KMT2C: variants seen among roughly 807,000 people sequenced by gnomAD.
The protein encoded by KMT2C is histone-lysine N-methyltransferase 2C.
A neutral mutation model predicts 507.9 loss-of-function variants in KMT2C; 88 were observed. That is an observed-to-expected ratio of 0.17 (90% confidence interval 0.15 to 0.21). The LOEUF is 0.21. Ranked by LOEUF, KMT2C falls within the 10% of genes least tolerant of loss-of-function variation. The pLI is 1.00. For missense variants in KMT2C, 4,954 were observed against 5,957.8 expected (o/e 0.83, Z 5.55); for synonymous variants, 2,049 against 2,080.8 (o/e 0.98, Z 0.42).
chr7:152,258,012 G>A (rs1031012501), intron 9 of KMT2C, among the ~76,000 whole-genome samples: 8 of 152,154 alleles, frequency 5.3e-5, no homozygotes, highest in Non-Finnish European at 1.0e-4. Context: ...GTATACACAC[G>A]CATGTATTTC....
At chr7:152,384,032 A>G (rs2097398249) in intron 1 of KMT2C, among the ~76,000 whole-genome samples, 2 of 148,038 alleles carry the variant, frequency 1.4e-5, no homozygotes, top group South Asian at 4.3e-4. Context: ...TCCGAGAGGC[A>G]GACATGTGTG....
intron 6 of KMT2C, among the ~76,000 whole-genome samples, chr7:152,309,580 C>T (rs182331205): frequency 0.011 from 1,554 of 139,994 alleles, 14 homozygotes; most frequent in Non-Finnish European, 0.017. Flanking sequence ...AGTGCAATGG[C>T]GCAATCTTGG....
At chr7:152,248,716 A>C in intron 13 of KMT2C, 96 bp from the exon 14 acceptor site, 1 of 673,274 alleles carries the variant, frequency 1.5e-6, no homozygotes, top group Non-Finnish European at 2.5e-6. Context: ...CTAGAACTTA[A>C]ATCAGAAGGT....
In KMT2C at chr7:152,222,793, C is replaced by G. The variant is rs1309290731; in HGVS notation, c.3324-111G>C. 7 of 656,516 alleles carry G rather than the reference C, an allele frequency of 1.1e-5. No individual in the cohort carries two copies. In the East Asian group the frequency reaches 1.9e-4, roughly 18 times the overall value. The allele number at this position is 656,516 out of a possible 1,614,324, so 40.7% of individuals were successfully genotyped here. A position where few individuals can be genotyped will look rare whatever the true frequency, so the allele number is the denominator to read the frequency against. On this transcript the variant is annotated intron_variant, in intron 20 of 58. Transcript: ENST00000262189. ...TCAAACTTAAAAGCCCTAAGCCTCA[C>G]ATGCTCCTCCTACCTTGCCCTTTTC... is the stretch of plus-strand genomic sequence containing the variant.
Position 152,146,646 on chromosome 7 carries a change from C to A in KMT2C, c.13984G>T (p.Asp4662Tyr), listed in dbSNP as rs752970801. The A allele has an allele frequency of 3.7e-6, 6 of 1,614,068 alleles. No individual in the cohort carries two copies. In the African/African-American group the frequency reaches 8.0e-5, roughly 22 times the overall value. ...GCAGAGACGGTCAGGCCAAACAGAT[C>A]CTCTCCTTTTAAATACGCTGGGAAA... ...QLFPAYLKGE[D>Y]LFGLTVSAVA... is the part of the protein sequence containing the mutation. Residue 4662 changes from aspartate (D) to tyrosine (Y), a missense_variant, in exon 53 of 59, where the codon GAT becomes TAT. Asp to Tyr is a radical substitution (Grantham distance 160). This residue lies in a region of KMT2C where 221 missense variants were observed against 304.7 expected (regional missense o/e 0.73). Transcript: ENST00000262189.
At chr7:152,409,776 T>G (rs577736817) in intron 1 of KMT2C, among the ~76,000 whole-genome samples, 8 of 152,384 alleles carry the variant, frequency 5.2e-5, no homozygotes, top group Non-Finnish European at 7.3e-5. Context: ...AAATGCTGGT[T>G]AAGTGACCAG....
Position 152,230,229 on chromosome 7 carries a change from A to G in KMT2C, c.2862T>C (p.Thr954=), listed in dbSNP as rs144817426. The G allele has an allele frequency of 6.3e-7, 1 of 1,581,918 alleles. No homozygotes were observed. The change falls in exon 17 of 59, where the codon ACT becomes ACC. Residue 954 remains threonine, a synonymous_variant. Transcript: ENST00000262189. ...ATTGTCAAGTTCAAACCTGATTCAA[A>G]GTGAACTTGTCACTGCTAGAAAACA... ...VVLFSSSDKF[T]LNQDMCVVCG...
Position 152,139,698 on chromosome 7 carries a change from T to C in KMT2C, c.14437A>G (p.Lys4813Glu), listed in dbSNP as rs2129089835. ...TIIRNEVANRKEKLYESQNRG... is the reference protein window; with the variant it reads ...TIIRNEVANREEKLYESQNRG... ...ACCTGAGACTCATAAAGCTTCTCTT[T>C]CCTGTTGGCTACTTCGTTTCGAATG... Residue 4813 changes from lysine (K) to glutamate (E), a missense_variant, in exon 56 of 59, where the codon AAA (lysine) becomes GAA (glutamate). This residue lies in a region of KMT2C where 133 missense variants were observed against 258.9 expected (regional missense o/e 0.51). Coordinates refer to ENST00000262189, the MANE Select transcript of KMT2C (RefSeq NM_170606.3). The C allele has an allele frequency of 1.2e-6, 2 of 1,613,552 alleles. No homozygotes were observed. Among genetic ancestry groups the C allele is most frequent in the Non-Finnish European group, 1.7e-6 (2 of 1,179,434 alleles).
chr7:152,430,563 C>T (rs1434472869), intron 1 of KMT2C, among the ~76,000 whole-genome samples: 4 of 152,222 alleles, frequency 2.6e-5, no homozygotes, highest in Admixed American at 6.5e-5. Context: ...GAGAGTCTTG[C>T]TCTGTCACCT....
intron 2 of KMT2C, among the ~76,000 whole-genome samples, chr7:152,331,309 CA>C (rs60887703): frequency 2.2e-3 from 303 of 135,856 alleles, no homozygotes; most frequent in Admixed American, 2.3e-3. Flanking sequence ...GACCCTGTCT[CA>C]AAAAAAAAAA....
At chr7:152,425,374 G>A (rs574196960) in intron 1 of KMT2C, among the ~76,000 whole-genome samples, 8 of 152,240 alleles carry the variant, frequency 5.3e-5, no homozygotes, top group South Asian at 2.1e-4. Flanking sequence ...TCAGAAGTTC[G>A]AGACCAGCCT....
intron 1 of KMT2C, among the ~76,000 whole-genome samples, chr7:152,421,903 A>G (rs557750963): frequency 6.6e-6 from 1 of 152,198 alleles, no homozygotes; most frequent in African/African-American, 2.4e-5. Flanking sequence ...AGCTGGAAGG[A>G]AAAAAAACAA....
chr7:152,379,517 G>A (rs948914372), intron 1 of KMT2C, among the ~76,000 whole-genome samples: 8 of 151,248 alleles, frequency 5.3e-5, no homozygotes, highest in South Asian at 2.1e-4. Context: ...CAGCCTAGGC[G>A]ACAGAGTAAG....
intron 15 of KMT2C, among the ~76,000 whole-genome samples, chr7:152,238,277 G>A (rs201872842): frequency 6.6e-6 from 1 of 152,296 alleles, no homozygotes; most frequent in African/African-American, 2.4e-5. Flanking sequence ...CCAATGTCAT[G>A]GGGGAAAAAG....
chr7:152,347,533 T>C (rs1051386659), intron 2 of KMT2C, among the ~76,000 whole-genome samples: 2 of 152,210 alleles, frequency 1.3e-5, no homozygotes, highest in Non-Finnish European at 2.9e-5. Flanking sequence ...TTGAGTTCAC[T>C]GCAATAACAA....
At chr7:152,356,296 C>A (rs912959254) in intron 2 of KMT2C, among the ~76,000 whole-genome samples, 5 of 152,036 alleles carry the variant, frequency 3.3e-5, no homozygotes. Context: ...ATCAAAGGGC[C>A]GGGCATAGTG....
chr7:152,247,808 A>C (rs1386950137), intron 14 of KMT2C, 94 bp downstream of exon 14: 1 of 980,612 alleles, frequency 1.0e-6, no homozygotes, highest in East Asian at 2.4e-5. Flanking sequence ...AAGACAGAAA[A>C]AGTTGCCATC....
intron 43 of KMT2C, among the ~76,000 whole-genome samples, chr7:152,161,063 G>A (rs1419852983): frequency 6.6e-6 from 1 of 152,172 alleles, no homozygotes; most frequent in South Asian, 2.1e-4. Flanking sequence ...AAAGACAGAA[G>A]GCTGCAAGTT....
At chr7:152,331,467 AGCATAGTG>A (rs2129212515) in intron 2 of KMT2C, among the ~76,000 whole-genome samples, 1 of 151,770 alleles carries the variant, frequency 6.6e-6, no homozygotes, top group Non-Finnish European at 1.5e-5. Flanking sequence ...AAATTAGCTA[AGCATAGTG>A]GCACACACCT....
Sources: gnomAD v4.1 joint callset for allele counts (sites outside exome capture counted in the v4.1 genomes callset) on GRCh38, gnomAD v4.1.1 for gene constraint, gnomAD v4.1.1 regional missense constraint, MANE v1.5 for transcripts, NCBI Gene and HGNC (gene_info 2026-07-23, HGNC 2026-07-21) for gene names.